The following RAD54L2 variants were observed in gnomAD, a reference collection of about 807,000 sequenced individuals.
The protein encoded by RAD54L2 is helicase ARIP4.
RAD54L2 carries 27 observed loss-of-function variants against 138.4 expected under a neutral mutation model. The ratio of observed to expected loss-of-function variants is 0.20; its 90% CI spans 0.14 to 0.27. The LOEUF (loss-of-function observed/expected upper bound fraction) is 0.27. Ranked by LOEUF, RAD54L2 falls within the 10% of genes least tolerant of loss-of-function variation. RAD54L2 has a pLI of 1.00. For synonymous variants in RAD54L2, 644 were observed against 723.2 expected (o/e 0.89, Z 1.76); for missense variants, 1,396 against 1,890.2 (o/e 0.74, Z 4.85).
intron 19 of RAD54L2, among the ~76,000 whole-genome samples, chr3:51,647,577 G>A (rs994515108): frequency 6.6e-6 from 1 of 152,154 alleles, no homozygotes; most frequent in Non-Finnish European, 1.5e-5. Flanking sequence ...GCTGAGGCAG[G>A]AGAATTGCTT....
chr3:51,562,489 G>A (rs546100794), intron 2 of RAD54L2, among the ~76,000 whole-genome samples: 1 of 152,166 alleles, frequency 6.6e-6, no homozygotes, highest in African/African-American at 2.4e-5. Context: ...CTGGGCCTCT[G>A]AAAGTGCTGG....
In RAD54L2 at chr3:51,630,739, T is replaced by A; in HGVS notation, c.633T>A (p.Thr211=). The change falls in exon 7 of 23, where the codon ACT becomes ACA. Residue 211 remains threonine, a synonymous_variant. Transcript: ENST00000684192. ...AACTGAGCTCTGGAGAGGAGGACACTCTGCACATTGTGGACAGCAGTGAAT... is the reference window on the plus strand; with the variant it reads ...AACTGAGCTCTGGAGAGGAGGACACACTGCACATTGTGGACAGCAGTGAAT... ...VIELSSGEED[T]LHIVDSSESV... is the part of the protein sequence containing the mutation. 3 of 1,614,004 alleles carry A rather than the reference T, an allele frequency of 1.9e-6. No individual in the cohort carries two copies. Among genetic ancestry groups the A allele is most frequent in the Non-Finnish European group, 2.5e-6 (3 of 1,179,884 alleles).
At position 51,590,504 on chromosome 3, in the gene RAD54L2, G is replaced by A. The variant is rs1299230866; in HGVS notation, c.84G>A (p.Glu28=). The change falls in exon 3 of 23, where the codon GAG becomes GAA. Residue 28 remains glutamate, a synonymous_variant. Coordinates refer to ENST00000684192, the MANE Select transcript of RAD54L2 (RefSeq NM_015106.4). ...AGGATGCGGAAGAGGAGGAGGAGGAGGAGGAGGTGGCAGTGGAGGAGTGTG... is the reference window on the plus strand; with the variant it reads ...AGGATGCGGAAGAGGAGGAGGAGGAAGAGGAGGTGGCAGTGGAGGAGTGTG... The part of the protein sequence containing the change: ...ELEDAEEEEE[E]EEVAVEECDR... 6.4e-7 allele frequency: 1 copy of A among 1,552,474 alleles called. No individual in the cohort carries two copies. The highest frequency in any genetic ancestry group is 1.2e-5 in the South Asian group (1 of 84,052).
intron 21 of RAD54L2, among the ~76,000 whole-genome samples, chr3:51,659,560 C>A (rs6806124): frequency 0.011 from 1,705 of 152,282 alleles, 42 homozygotes; most frequent in African/African-American, 0.038. Flanking sequence ...TTGAATTATT[C>A]CTACTAGGGG....
chr3:51,590,376 A>C lies in RAD54L2; in HGVS notation c.-45A>C. 2 of 1,483,038 alleles carry C rather than the reference A, an allele frequency of 1.3e-6. No individual in the cohort carries two copies. The highest frequency in any genetic ancestry group is 1.8e-6 in the Non-Finnish European group (2 of 1,112,272). 91.9% of individuals were successfully genotyped at this position (1,483,038 alleles called of 1,614,324 possible). A position where few individuals can be genotyped will look rare whatever the true frequency, so the allele number is the denominator to read the frequency against. ...TTTCATCCTCTCCTAGCACCCCTGC[A>C]GTGGACCATGAGTCGGTAATGCCCA... On this transcript the variant is annotated 5_prime_UTR_variant, in exon 3 of 23. Coordinates refer to ENST00000684192, the MANE Select transcript of RAD54L2 (RefSeq NM_015106.4).
rs1701922373 is a variant in RAD54L2, at chr3:51,666,862, G to C, written c.*3442G>C. 6.6e-6 allele frequency: 1 copy of C among 152,000 alleles called. No homozygotes were observed. The highest frequency in any genetic ancestry group is 1.5e-5 in the Non-Finnish European group (1 of 68,034). The allele number at this position is 152,000 out of a possible 1,614,324, so 9.4% of individuals were successfully genotyped here. A position where few individuals can be genotyped will look rare whatever the true frequency, so the allele number is the denominator to read the frequency against. ...GTGATCCTTGGAGCTCTCTTCCCTA[G>C]GAATTAGTGTGTGGAGTCTCTATAT... On this transcript the variant is annotated 3_prime_UTR_variant, in exon 23 of 23. Transcript: ENST00000684192.
intron 3 of RAD54L2, among the ~76,000 whole-genome samples, chr3:51,607,093 A>ATTTTTTTTTT (rs1207317070): frequency 1.6e-5 from 2 of 128,434 alleles, no homozygotes; most frequent in African/African-American, 5.7e-5. Flanking sequence ...TTTATTTTTT[A>ATTTTTTTTTT]TTTTTTTATT....
intron 19 of RAD54L2, among the ~76,000 whole-genome samples, chr3:51,653,395 T>C (rs1701497329): frequency 1.3e-5 from 2 of 152,200 alleles, no homozygotes; most frequent in African/African-American, 4.8e-5. Context: ...GATCTAGAAC[T>C]AGAAATACCA....
chr3:51,582,488 A>G (rs1156701330), intron 2 of RAD54L2, among the ~76,000 whole-genome samples: 1 of 151,934 alleles, frequency 6.6e-6, no homozygotes, highest in East Asian at 1.9e-4. Flanking sequence ...AGGGTGGAGC[A>G]GTGTCTGTCA....
intron 2 of RAD54L2, among the ~76,000 whole-genome samples, chr3:51,574,193 G>C (rs1699409149): frequency 6.6e-6 from 1 of 152,114 alleles, no homozygotes. Flanking sequence ...TTTTATGGCT[G>C]CATAGTATTC....
chr3:51,626,793 A>T (rs555710671), intron 3 of RAD54L2, among the ~76,000 whole-genome samples: 34 of 152,072 alleles, frequency 2.2e-4, no homozygotes, highest in Admixed American at 5.9e-4. Flanking sequence ...CTTATCTTTC[A>T]AGGCCTGACT....
chr3:51,551,224 C>T (rs1698828952), intron 2 of RAD54L2, among the ~76,000 whole-genome samples: 1 of 152,026 alleles, frequency 6.6e-6, no homozygotes, highest in Admixed American at 6.6e-5. Flanking sequence ...CCTTGACCTC[C>T]CAGGCTCAAG....
chr3:51,630,293 G>T lies in RAD54L2; in HGVS notation c.503G>T (p.Ser168Ile), dbSNP rs1454966250. ...CTAGAGGAAATTGCTTTAAGGGCAA[G>T]TGACGGTCCCCAACTGCCTCCTCGG... is the stretch of plus-strand genomic sequence containing the variant. ...FLPEEIALRA[S>I]DGPQLPPRVL... Residue 168 changes from serine (S) to isoleucine (I), a missense_variant, in exon 6 of 23, where the codon AGT (serine) becomes ATT (isoleucine). Physicochemically the swap from Ser to Ile is moderately radical, Grantham distance 142 (BLOSUM62 -2). Coordinates refer to ENST00000684192, the MANE Select transcript of RAD54L2 (RefSeq NM_015106.4). 6.2e-7 allele frequency: 1 copy of T among 1,614,024 alleles called. No homozygotes were observed. Among genetic ancestry groups the T allele is most frequent in the East Asian group, 2.2e-5 (1 of 44,884 alleles).
chr3:51,539,377 G>A (rs1698495262), intron 1 of RAD54L2, among the ~76,000 whole-genome samples: 1 of 152,162 alleles, frequency 6.6e-6, no homozygotes, highest in Admixed American at 6.5e-5. Context: ...GCAGACTGGG[G>A]TCGGGCTGGG....
intron 2 of RAD54L2, among the ~76,000 whole-genome samples, chr3:51,578,431 G>C (rs932376694): frequency 4.6e-5 from 7 of 152,148 alleles, no homozygotes; most frequent in Non-Finnish European, 1.0e-4. Flanking sequence ...TAGCCTAAGG[G>C]GGTATGTTGG....
At chr3:51,568,206 C>A (rs182302887) in intron 2 of RAD54L2, among the ~76,000 whole-genome samples, 2 of 152,146 alleles carry the variant, frequency 1.3e-5, no homozygotes, top group Admixed American at 1.3e-4. Flanking sequence ...CTTAGCTGGG[C>A]CTTTTATTCA....
intron 3 of RAD54L2, among the ~76,000 whole-genome samples, chr3:51,612,038 A>G (rs990540379): frequency 1.3e-5 from 2 of 152,190 alleles, no homozygotes; most frequent in African/African-American, 2.4e-5. Flanking sequence ...ATCAAACTAA[A>G]TATGTGATTC....
At chr3:51,564,345 A>G (rs914546369) in intron 2 of RAD54L2, among the ~76,000 whole-genome samples, 4 of 151,746 alleles carry the variant, frequency 2.6e-5, no homozygotes, top group Non-Finnish European at 4.4e-5. Context: ...CAGTGAAGCA[A>G]TATGTCTCTG....
At chr3:51,605,381 A>G (rs9990341) in intron 3 of RAD54L2, among the ~76,000 whole-genome samples, 5,739 of 149,654 alleles carry the variant, frequency 0.038, 392 homozygotes, top group African/African-American at 0.13. Flanking sequence ...GAGCCACTGC[A>G]CCTGGCCTTC....
Sources: gnomAD v4.1 joint callset for allele counts (sites outside exome capture counted in the v4.1 genomes callset) on GRCh38, gnomAD v4.1.1 for gene constraint, MANE v1.5 for transcripts, NCBI Gene and HGNC (gene_info 2026-07-23, HGNC 2026-07-21) for gene names.